Variants in SEPTIN6 observed in about 807,000 individuals in gnomAD.
SEPTIN6 encodes septin-6.
A neutral mutation model predicts 33.6 loss-of-function variants in SEPTIN6; 8 were observed. The observed-to-expected ratio is 0.24, with a 90% CI of 0.14 to 0.43. The LOEUF is 0.43. Among genes scored for constraint, SEPTIN6 ranks in the 20% least tolerant of loss-of-function variants. SEPTIN6 has a pLI of 1.00. For synonymous variants in SEPTIN6, 131 were observed against 140.0 expected (o/e 0.94, Z 0.45); for missense variants, 250 against 340.8 (o/e 0.73, Z 2.10).
chrX:119,627,521 C>A (rs2053874103), intron 9 of SEPTIN6, among the ~76,000 whole-genome samples: 1 of 110,834 alleles, frequency 9.0e-6, no homozygotes, highest in South Asian at 3.8e-4. Flanking sequence ...TCTGAGGGCT[C>A]CCCCATAAGT....
chrX:119,656,224 C>T (rs2054440106), intron 3 of SEPTIN6, among the ~76,000 whole-genome samples: 2 of 111,919 alleles, frequency 1.8e-5, no homozygotes, highest in Non-Finnish European at 3.8e-5. Context: ...CTGGTCTAGA[C>T]AATAATACTT....
chrX:119,655,694 C>T (rs934198357), intron 3 of SEPTIN6, among the ~76,000 whole-genome samples: 1 of 111,732 alleles, frequency 8.9e-6, no homozygotes, highest in Non-Finnish European at 1.9e-5. Context: ...GACTCCATCC[C>T]TCCCCATCAC....
At chrX:119,631,272 C>T (rs1042078643) in intron 8 of SEPTIN6, among the ~76,000 whole-genome samples, 13 of 108,175 alleles carry the variant, frequency 1.2e-4, no homozygotes, top group Admixed American at 2.9e-4. Context: ...CCTCCGCCTC[C>T]CAGGTTCAAG....
chrX:119,633,779 G>A (rs961710989), intron 7 of SEPTIN6, among the ~76,000 whole-genome samples: 13 of 112,227 alleles, frequency 1.2e-4, no homozygotes, highest in Non-Finnish European at 2.3e-4. Flanking sequence ...GAGGTGAGGT[G>A]TCTTACTCAA....
intron 4 of SEPTIN6, 90 bp downstream of exon 4, chrX:119,652,764 G>A: frequency 1.3e-6 from 1 of 745,593 alleles, no homozygotes; most frequent in Non-Finnish European, 2.0e-6. Flanking sequence ...GGATGAGGAT[G>A]CCACAAATCT....
At chrX:119,629,271 A>C in intron 9 of SEPTIN6, 47 bp downstream of exon 9, 1 of 1,147,634 alleles carries the variant, frequency 8.7e-7, no homozygotes, top group Non-Finnish European at 1.2e-6. Context: ...TGGGAGGATG[A>C]GCAGGAGGAA....
intron 5 of SEPTIN6, among the ~76,000 whole-genome samples, chrX:119,643,113 G>T (rs1400099539): frequency 9.0e-6 from 1 of 110,960 alleles, no homozygotes; most frequent in Admixed American, 9.7e-5. Flanking sequence ...TTTGCCAGGA[G>T]AGTTGATCTG....
rs913629998 is a variant in SEPTIN6 at position 119,619,202 on chromosome X, T to C, written c.*891A>G. 2 of 828,388 alleles carry C rather than the reference T, an allele frequency of 2.4e-6. No homozygotes were observed. The highest frequency in any genetic ancestry group is 2.9e-6 in the Non-Finnish European group (2 of 686,923). 68.3% of individuals were successfully genotyped at this position (828,388 alleles called of 1,213,427 possible). Reference sequence around the variant, plus strand: ...CCAGCCTACAAAGTGGGATTTATTATTCCTGCTACTGGCCTCACCTTATTG... The same window carrying C: ...CCAGCCTACAAAGTGGGATTTATTACTCCTGCTACTGGCCTCACCTTATTG... On this transcript the variant is annotated 3_prime_UTR_variant, in exon 11 of 11. Coordinates refer to ENST00000394610, the MANE Select transcript of SEPTIN6 (RefSeq NM_145799.4).
chrX:119,619,502 G>A lies in SEPTIN6; in HGVS notation c.*591C>T. 1 of 814,851 alleles carries A rather than the reference G, an allele frequency of 1.2e-6. No homozygotes were observed. Among genetic ancestry groups the A allele is most frequent in the South Asian group, 6.5e-5 (1 of 15,395 alleles). 67.2% of individuals were successfully genotyped at this position (814,851 alleles called of 1,213,427 possible). ...CAGTTACTTCGAGTGAATGAAAACTGGAAAGGGCTGGACTCAAAGGTTAGA... is the reference window on the plus strand; with the variant it reads ...CAGTTACTTCGAGTGAATGAAAACTAGAAAGGGCTGGACTCAAAGGTTAGA... On this transcript the variant is annotated 3_prime_UTR_variant, in exon 11 of 11. Coordinates refer to ENST00000394610, the MANE Select transcript of SEPTIN6 (RefSeq NM_145799.4).
At chrX:119,627,720 G>A (rs1463513272) in intron 9 of SEPTIN6, among the ~76,000 whole-genome samples, 2 of 109,805 alleles carry the variant, frequency 1.8e-5, no homozygotes, top group Non-Finnish European at 3.8e-5. Flanking sequence ...TATAGGGCAA[G>A]GGTGGGGAGA....
chrX:119,665,100 C>CT (rs1393747587), intron 2 of SEPTIN6, among the ~76,000 whole-genome samples: 2,439 of 102,951 alleles, frequency 0.024, 115 homozygotes, highest in African/African-American at 0.087. Flanking sequence ...TCTTCTTCTT[C>CT]TTCTTTTTTT....
At chrX:119,640,908 C>T in intron 5 of SEPTIN6, 120 bp from the exon 6 acceptor site, 2 of 490,311 alleles carry the variant, frequency 4.1e-6, no homozygotes, top group Non-Finnish European at 7.1e-6. Flanking sequence ...CCCTCACTGT[C>T]ATCATCACCA....
intron 3 of SEPTIN6, among the ~76,000 whole-genome samples, chrX:119,657,771 ACAAAGTG>A (rs1242405872): frequency 9.0e-6 from 1 of 111,430 alleles, no homozygotes; most frequent in African/African-American, 3.3e-5. Flanking sequence ...CCTTGGCCCC[ACAAAGTG>A]TTGGGATTAG....
intron 1 of SEPTIN6, among the ~76,000 whole-genome samples, chrX:119,686,931 G>A (rs1003520064): frequency 9.0e-6 from 1 of 111,242 alleles, no homozygotes; most frequent in Non-Finnish European, 1.9e-5. Context: ...AGGGGGAAGA[G>A]AGGTCATGGC....
At chrX:119,687,586 T>G (rs2055081410) in intron 1 of SEPTIN6, among the ~76,000 whole-genome samples, 1 of 111,721 alleles carries the variant, frequency 9.0e-6, no homozygotes. Flanking sequence ...TACATGCAAC[T>G]AAAAGCCCTT....
chrX:119,645,336 T>A (rs2054235990), intron 5 of SEPTIN6, among the ~76,000 whole-genome samples: 1 of 106,093 alleles, frequency 9.4e-6, no homozygotes, highest in African/African-American at 3.5e-5. Context: ...CGTCCCGGGT[T>A]CAAGTGATCC....
Position 119,645,279 on chromosome X carries a change from G to A in SEPTIN6, c.691-4491C>T, listed in dbSNP as rs143763530. On this transcript the variant is annotated intron_variant, in intron 5 of 10. Transcript: ENST00000394610. Reference sequence around the variant, plus strand: ...TTTTGAGACGGAGTCTCACTCTGTCGCCAGGCTGGAGTGCAGTGACGTGAT... The same window carrying A: ...TTTTGAGACGGAGTCTCACTCTGTCACCAGGCTGGAGTGCAGTGACGTGAT... Among the ~76,000 whole-genome samples, 443 of 70,914 alleles carry A rather than the reference G, an allele frequency of 6.2e-3. 5 individuals are homozygous for A. Among genetic ancestry groups the A allele is most frequent in the African/African-American group, 0.025 (422 of 17,143 alleles). 61.6% of individuals were successfully genotyped at this position (70,914 alleles called of 115,157 possible). A position where few individuals can be genotyped will look rare whatever the true frequency, so the allele number is the denominator to read the frequency against.
In SEPTIN6 at chrX:119,616,985, A is replaced by G; in HGVS notation, c.*3108T>C. On this transcript the variant is annotated 3_prime_UTR_variant, in exon 11 of 11. Transcript: ENST00000394610. Reference sequence around the variant, plus strand: ...TTTAATTAAAAACAAGCACATATTAACAGCCACATGTGAATGCCAAATGAT... The same window carrying G: ...TTTAATTAAAAACAAGCACATATTAGCAGCCACATGTGAATGCCAAATGAT... 9.8e-7 allele frequency: 1 copy of G among 1,024,759 alleles called. No homozygotes were observed. The highest frequency in any genetic ancestry group is 1.2e-6 in the Non-Finnish European group (1 of 803,992). 84.5% of individuals were successfully genotyped at this position (1,024,759 alleles called of 1,213,427 possible). A position where few individuals can be genotyped will look rare whatever the true frequency, so the allele number is the denominator to read the frequency against.
rs1302090087 is a variant in SEPTIN6 at position 119,633,556 on chromosome X, C to T, written c.957-64G>A. 7 of 1,127,341 alleles carry T rather than the reference C, an allele frequency of 6.2e-6. No homozygotes were observed. The African/African-American group carries it at 9.2e-5, about 15-fold the overall frequency. 92.9% of individuals were successfully genotyped at this position (1,127,341 alleles called of 1,213,427 possible). On this transcript the variant is annotated intron_variant, in intron 7 of 10. Coordinates refer to ENST00000394610, the MANE Select transcript of SEPTIN6 (RefSeq NM_145799.4). ...TGATTCCTATTTGATAAAACTGGCC[C>T]CAAAGATCCTCACTGGGTTCCTCTG...
Sources: gnomAD v4.1 joint callset for allele counts (sites outside exome capture counted in the v4.1 genomes callset) on GRCh38, gnomAD v4.1.1 for gene constraint, MANE v1.5 for transcripts, NCBI Gene and HGNC (gene_info 2026-07-23, HGNC 2026-07-21) for gene names.